The following ARIH2 variants were observed in gnomAD, a reference collection of about 807,000 sequenced individuals.
ARIH2 encodes ariadne RBR E3 ubiquitin protein ligase 2.
In ARIH2, 12 loss-of-function variants were observed where a neutral mutation model predicts 79.8. The ratio of observed to expected loss-of-function variants is 0.15; its 90% CI spans 0.10 to 0.24. The LOEUF (loss-of-function observed/expected upper bound fraction) is 0.24, where lower values mean the gene tolerates loss of function less well. Among genes scored for constraint, ARIH2 ranks in the 10% least tolerant of loss-of-function variants. The pLI, the probability that ARIH2 is intolerant of heterozygous loss-of-function variation, is 1.00. For missense variants in ARIH2, 301 were observed against 618.3 expected, an observed-to-expected ratio of 0.49 and a Z score of 5.44; for synonymous variants, 224 against 213.9, an observed-to-expected ratio of 1.05 and a Z score of -0.41.
intron 5 of ARIH2, among the ~76,000 whole-genome samples, chr3:48,965,252 C>T (rs900402594): frequency 4.0e-5 from 6 of 151,608 alleles, no homozygotes; most frequent in Admixed American, 2.6e-4. Context: ...CCCAGCTACT[C>T]GGGAGGCTAA....
At chr3:48,976,054 G>A (rs1175179357) in intron 11 of ARIH2, among the ~76,000 whole-genome samples, 1 of 151,786 alleles carries the variant, frequency 6.6e-6, no homozygotes, top group Non-Finnish European at 1.5e-5. Flanking sequence ...GGGATTACAG[G>A]CACTCACCAC....
At chr3:48,931,465 G>A (rs1298379824) in intron 3 of ARIH2, among the ~76,000 whole-genome samples, 2 of 151,014 alleles carry the variant, frequency 1.3e-5, no homozygotes, top group East Asian at 3.9e-4. Context: ...AGGAGAATGG[G>A]TGTGAACCCG....
At chr3:48,940,074 T>C (rs916222597) in intron 3 of ARIH2, among the ~76,000 whole-genome samples, 1 of 151,732 alleles carries the variant, frequency 6.6e-6, no homozygotes, top group African/African-American at 2.4e-5. Context: ...GGCATGGTGG[T>C]GGGCGCCTGT....
chr3:48,978,246 CAT>C (rs929417269), intron 11 of ARIH2, among the ~76,000 whole-genome samples: 21 of 149,552 alleles, frequency 1.4e-4, no homozygotes, highest in African/African-American at 4.9e-4. Context: ...ATTTTTTGAA[CAT>C]ATAGGGGATT....
intron 12 of ARIH2, chr3:48,979,974 T>C (rs1216806807): frequency 4.1e-6 from 1 of 244,490 alleles, no homozygotes; most frequent in African/African-American, 2.2e-5. Context: ...CTTTCTGTCC[T>C]CACAATCTGT....
At chr3:48,951,446 A>T (rs2089944837) in intron 3 of ARIH2, among the ~76,000 whole-genome samples, 1 of 151,866 alleles carries the variant, frequency 6.6e-6, no homozygotes, top group African/African-American at 2.4e-5. Flanking sequence ...TATCATGGTT[A>T]TGCTAACCTC....
intron 13 of ARIH2, among the ~76,000 whole-genome samples, chr3:48,981,016 C>CCA (rs2092725217): frequency 3.3e-5 from 1 of 30,136 alleles, no homozygotes; most frequent in Non-Finnish European, 5.7e-5. Context: ...GCAAGACTGT[C>CCA]AAAAAAAAAA....
Position 48,983,207 on chromosome 3 carries a change from G to A in ARIH2, c.1419G>A (p.Glu473=). 1.2e-6 allele frequency: 2 copies of A among 1,614,242 alleles called. No individual in the cohort carries two copies. Among genetic ancestry groups the A allele is most frequent in the Non-Finnish European group, 1.7e-6 (2 of 1,180,040 alleles). The change falls in exon 16 of 16, where the codon GAG becomes GAA. Residue 473 remains glutamate, a synonymous_variant. Transcript: ENST00000356401. ...RADSYDRGDL[E]NQMHIAEQRR... ...TTGTTTCTCTGATGCAGGACTTGGA[G>A]AACCAGATGCATATAGCGGAGCAGC...
At chr3:48,941,803 C>G (rs1239196322) in intron 3 of ARIH2, among the ~76,000 whole-genome samples, 1 of 150,770 alleles carries the variant, frequency 6.6e-6, no homozygotes, top group Non-Finnish European at 1.5e-5. Context: ...AGGATAGTCT[C>G]GATCTCCTGA....
In ARIH2 at chr3:48,970,742, A is replaced by C. The variant is rs1049346342; in HGVS notation, c.770+38A>C. The C allele has an allele frequency of 2.0e-6, 3 of 1,508,172 alleles. No individual in the cohort carries two copies. In the African/African-American group the frequency reaches 4.1e-5, roughly 21 times the overall value. The allele number at this position is 1,508,172 out of a possible 1,614,324, so 93.4% of individuals were successfully genotyped here. A position where few individuals can be genotyped will look rare whatever the true frequency, so the allele number is the denominator to read the frequency against. On this transcript the variant is annotated intron_variant, in intron 8 of 15. Coordinates refer to ENST00000356401, the MANE Select transcript of ARIH2 (RefSeq NM_006321.4). ...GTGAGTGCTGAGCAGCCCTGGGCTC[A>C]TGCCCCATCCTCCAAAGCACCACTG...
chr3:48,945,071 A>G, intron 3 of ARIH2: 1 of 1,256,880 alleles, frequency 8.0e-7, no homozygotes, highest in Non-Finnish European at 1.0e-6. Flanking sequence ...GCCTTAAAAG[A>G]TTTCAGGCAG....
intron 3 of ARIH2, among the ~76,000 whole-genome samples, chr3:48,951,956 G>A (rs2090013606): frequency 6.6e-6 from 1 of 151,692 alleles, no homozygotes; most frequent in Admixed American, 6.6e-5. Context: ...TTTTAACTTA[G>A]TCATCTTTTT....
intron 5 of ARIH2, among the ~76,000 whole-genome samples, chr3:48,965,499 C>A (rs1353480681): frequency 6.6e-6 from 1 of 152,140 alleles, no homozygotes; most frequent in Non-Finnish European, 1.5e-5. Context: ...GTCCTTGGGC[C>A]CTCTCCAGCC....
intron 12 of ARIH2, 63 bp from the exon 13 acceptor site, chr3:48,980,290 C>T (rs1334663881): frequency 2.6e-6 from 4 of 1,565,592 alleles, no homozygotes; most frequent in Non-Finnish European, 3.5e-6. Flanking sequence ...TCCTGAACTC[C>T]TGTGTAGACC....
chr3:48,974,778 G>A, intron 9 of ARIH2, 39 bp from the exon 10 acceptor site: 1 of 1,610,326 alleles, frequency 6.2e-7, no homozygotes, highest in Non-Finnish European at 8.5e-7. Flanking sequence ...AACCAACCTG[G>A]TGGTGTGTGA....
chr3:48,947,145 A>G (rs1221992183), intron 3 of ARIH2, among the ~76,000 whole-genome samples: 1 of 152,186 alleles, frequency 6.6e-6, no homozygotes, highest in Non-Finnish European at 1.5e-5. Flanking sequence ...AGGGAGATCA[A>G]GAAAGCCAGA....
At chr3:48,928,571 A>G (rs537644980) in intron 3 of ARIH2, among the ~76,000 whole-genome samples, 1 of 152,166 alleles carries the variant, frequency 6.6e-6, no homozygotes, top group Non-Finnish European at 1.5e-5. Flanking sequence ...ATCTTTTTTC[A>G]TGAATTGTTA....
chr3:48,940,402 C>A (rs544619250), intron 3 of ARIH2, among the ~76,000 whole-genome samples: 1 of 151,686 alleles, frequency 6.6e-6, no homozygotes, highest in Non-Finnish European at 1.5e-5. Context: ...AGAGAGAGAG[C>A]GCACAAGTGA....
chr3:48,962,007 G>A (rs578028761), intron 4 of ARIH2, among the ~76,000 whole-genome samples: 6 of 152,116 alleles, frequency 3.9e-5, no homozygotes, highest in African/African-American at 9.6e-5. Context: ...GGTAACACGC[G>A]CCAACATCTT....
Sources: allele counts gnomAD v4.1 joint callset (sites outside exome capture counted in the v4.1 genomes callset), GRCh38; gene constraint gnomAD v4.1.1; transcripts MANE v1.5; gene names NCBI Gene and HGNC (gene_info 2026-07-23, HGNC 2026-07-21).